The following CHLSN variants were observed in gnomAD, a reference collection of about 807,000 sequenced individuals.
CHLSN encodes the protein protein cholesin.
At chr7:979,547 T>G in the CHLSN span, among the ~76,000 whole-genome samples, 3 of 151,470 alleles carry the variant, frequency 2.0e-5, no homozygotes, top group Admixed American at 2.0e-4. Context: ...AGGTTAGGAG[T>G]TCAAGACCAG....
At chr7:1,048,691 T>C in the CHLSN span, among the ~76,000 whole-genome samples, 5 of 152,218 alleles carry the variant, frequency 3.3e-5, no homozygotes, top group Non-Finnish European at 7.3e-5. Flanking sequence ...GGAAGAAAGA[T>C]GCCAACGTCT....
the CHLSN span, among the ~76,000 whole-genome samples, chr7:1,095,640 T>C: frequency 5.0e-4 from 76 of 152,290 alleles, no homozygotes; most frequent in Non-Finnish European, 1.0e-3. Flanking sequence ...CGGAACGTGG[T>C]CTGGTCCCCA....
At chr7:1,059,856 GGGGCGGGTCTGT>G in the CHLSN span, among the ~76,000 whole-genome samples, 33 of 75,332 alleles carry the variant, frequency 4.4e-4, no homozygotes, top group East Asian at 6.6e-3. Context: ...GGTCCGTAGT[GGGGCGGGTCTGT>G]AGTGGGGCGG....
At chr7:983,501 A>G in the CHLSN span, 2 of 1,097,842 alleles carry the variant, frequency 1.8e-6, no homozygotes, top group Admixed American at 3.6e-5. Flanking sequence ...TGCCGGGCCC[A>G]GCGGGGCACG....
the CHLSN span, chr7:1,055,568 CTG>C: frequency 2.5e-6 from 1 of 398,602 alleles, no homozygotes; most frequent in South Asian, 1.8e-5. Flanking sequence ...GTGGGGGACT[CTG>C]TGCAGCACAG....
At chr7:1,058,170 C>T in the CHLSN span, 6 of 739,362 alleles carry the variant, frequency 8.1e-6, no homozygotes, top group East Asian at 1.5e-4. Flanking sequence ...GGAGGACACG[C>T]CCCTGGACCG....
chr7:1,070,614 G>A, the CHLSN span, among the ~76,000 whole-genome samples: 1 of 134,804 alleles, frequency 7.4e-6, no homozygotes, highest in Admixed American at 7.5e-5. Flanking sequence ...ACACATGCAT[G>A]CACACACGCA....
At chr7:1,110,233 G>A in the CHLSN span, among the ~76,000 whole-genome samples, 822 of 152,296 alleles carry the variant, frequency 5.4e-3, 8 homozygotes, top group African/African-American at 0.019. Context: ...AGAATACCTC[G>A]AGATGCCAGG....
the CHLSN span, among the ~76,000 whole-genome samples, chr7:1,029,295 T>C: frequency 6.6e-6 from 1 of 152,164 alleles, no homozygotes; most frequent in African/African-American, 2.4e-5. Flanking sequence ...GTCCAGCTAA[T>C]TTTTAAATTT....
chr7:985,344 C>G, the CHLSN span: 1 of 1,546,748 alleles, frequency 6.5e-7, no homozygotes, highest in Admixed American at 2.0e-5. Flanking sequence ...GCCTCCCATC[C>G]TTGGGGTGGG....
At chr7:1,055,704 G>A in the CHLSN span, among the ~76,000 whole-genome samples, 2 of 152,178 alleles carry the variant, frequency 1.3e-5, no homozygotes, top group Non-Finnish European at 2.9e-5. Flanking sequence ...TCTGTGGGGT[G>A]AAGGTGGCCG....
At chr7:1,020,357 C>G in the CHLSN span, among the ~76,000 whole-genome samples, 1 of 152,204 alleles carries the variant, frequency 6.6e-6, no homozygotes, top group Non-Finnish European at 1.5e-5. Context: ...GAGGCCCGCT[C>G]TCCTGTCAGA....
the CHLSN span, among the ~76,000 whole-genome samples, chr7:1,084,127 C>T: frequency 6.6e-6 from 1 of 152,252 alleles, no homozygotes; most frequent in Non-Finnish European, 1.5e-5. Flanking sequence ...ACCCCGCCTG[C>T]CACTGGTGCG....
the CHLSN span, among the ~76,000 whole-genome samples, chr7:1,037,067 C>T: frequency 6.8e-6 from 1 of 147,476 alleles, no homozygotes; most frequent in Non-Finnish European, 1.5e-5. Context: ...GCCGAGATCA[C>T]ACCACTGCAC....
At chr7:984,280 A>G in the CHLSN span, 1 of 1,214,452 alleles carries the variant, frequency 8.2e-7, no homozygotes, top group Non-Finnish European at 1.1e-6. Flanking sequence ...TATGGCATCT[A>G]GGCGTGCCCC....
At chr7:1,064,974 G>T in the CHLSN span, among the ~76,000 whole-genome samples, 6 of 152,256 alleles carry the variant, frequency 3.9e-5, no homozygotes, top group African/African-American at 1.4e-4. Flanking sequence ...CTTCTAAAGA[G>T]AAAAGACAGC....
the CHLSN span, among the ~76,000 whole-genome samples, chr7:1,099,769 G>C: frequency 0.014 from 2,173 of 152,322 alleles, 68 homozygotes; most frequent in African/African-American, 0.049. Flanking sequence ...GGCCAGGTGA[G>C]GACACAAGCT....
At chr7:1,135,193 T>C in the CHLSN span, among the ~76,000 whole-genome samples, 1 of 152,136 alleles carries the variant, frequency 6.6e-6, no homozygotes, top group Non-Finnish European at 1.5e-5. Flanking sequence ...CTCAGCCTCC[T>C]CACTCCCTCG....
the CHLSN span, among the ~76,000 whole-genome samples, chr7:1,011,528 C>A: frequency 2.0e-5 from 3 of 150,784 alleles, no homozygotes; most frequent in South Asian, 6.3e-4. Context: ...CACCCAGACA[C>A]CTGCAGACAC....
Sources: gnomAD v4.1 joint callset for allele counts (sites outside exome capture counted in the v4.1 genomes callset) on GRCh38, gnomAD v4.1.1 for gene constraint, MANE v1.5 for transcripts, NCBI Gene and HGNC (gene_info 2026-07-23, HGNC 2026-07-21) for gene names.